Variants in E2F5 observed in about 807,000 individuals in gnomAD.
E2F5 encodes the protein transcription factor E2F5.
A neutral mutation model predicts 39.1 loss-of-function variants in E2F5; 23 were observed. That is an observed-to-expected ratio of 0.59 (90% CI 0.42 to 0.83). The LOEUF (loss-of-function observed/expected upper bound fraction) is 0.83, where lower values mean the gene tolerates loss of function less well. Among genes scored for constraint, E2F5 ranks in the 40% least tolerant of loss-of-function variants. E2F5 has a pLI of 0.00. For missense variants in E2F5, 365 were observed against 406.7 expected, an observed-to-expected ratio of 0.90 and a Z score of 0.88; for synonymous variants, 145 against 157.8, an observed-to-expected ratio of 0.92 and a Z score of 0.61.
intron 1 of E2F5, among the ~76,000 whole-genome samples, chr8:85,200,148 GA>G (rs1812663979): frequency 1.3e-5 from 2 of 152,096 alleles, no homozygotes; most frequent in Non-Finnish European, 2.9e-5. Context: ...TTGGGAGGCT[GA>G]GGCAGGAGAA....
At chr8:85,193,049 A>G (rs1385074368) in intron 1 of E2F5, among the ~76,000 whole-genome samples, 2 of 152,276 alleles carry the variant, frequency 1.3e-5, no homozygotes, top group Non-Finnish European at 2.9e-5. Context: ...TGACAGATAC[A>G]TAGAGAGATG....
intron 1 of E2F5, among the ~76,000 whole-genome samples, chr8:85,191,368 C>T (rs1304378565): frequency 6.6e-6 from 1 of 152,042 alleles, no homozygotes; most frequent in Admixed American, 6.6e-5. Flanking sequence ...ATCGTGGTGA[C>T]TATAGTTAAT....
chr8:85,207,878 CT>C lies in E2F5; in HGVS notation c.615+391del, dbSNP rs575508675. Among the ~76,000 whole-genome samples, 138 of 152,144 alleles carry C rather than the reference CT, an allele frequency of 9.1e-4. 1 individual carries two copies. Among genetic ancestry groups the C allele is most frequent in the Non-Finnish European group, 1.6e-3 (110 of 68,030 alleles). Reference sequence around the variant, plus strand: ...GAAACAAATGAATATTGTGTTTAGACTTGGGTCCTATCCCTAAGATATCTAT... The same window carrying C: ...GAAACAAATGAATATTGTGTTTAGACTGGGTCCTATCCCTAAGATATCTAT... On this transcript the variant is annotated intron_variant, in intron 5 of 7. Coordinates refer to ENST00000416274, the MANE Select transcript of E2F5 (RefSeq NM_001951.4).
intron 1 of E2F5, among the ~76,000 whole-genome samples, chr8:85,197,820 C>T (rs1362727837): frequency 1.3e-5 from 2 of 152,172 alleles, no homozygotes; most frequent in African/African-American, 4.8e-5. Flanking sequence ...GCTTTGCTCT[C>T]CACCTACCCC....
intron 5 of E2F5, 79 bp downstream of exon 5, chr8:85,207,568 TG>T: frequency 1.7e-6 from 2 of 1,203,200 alleles, no homozygotes; most frequent in Non-Finnish European, 2.3e-6. Context: ...TTTAGCTGAA[TG>T]TGAGCTAATT....
At chr8:85,181,232 T>A (rs1474531709) in intron 1 of E2F5, among the ~76,000 whole-genome samples, 3 of 152,168 alleles carry the variant, frequency 2.0e-5, no homozygotes, top group Non-Finnish European at 4.4e-5. Context: ...TATCCAAATA[T>A]TTTGGATATC....
chr8:85,185,650 C>G (rs1469621957), intron 1 of E2F5, among the ~76,000 whole-genome samples: 2 of 152,134 alleles, frequency 1.3e-5, no homozygotes, highest in Non-Finnish European at 2.9e-5. Context: ...CTGCAAAGAA[C>G]TTAGACGAAT....
chr8:85,210,652 G>C (rs1812897412), intron 6 of E2F5, among the ~76,000 whole-genome samples: 1 of 151,590 alleles, frequency 6.6e-6, no homozygotes, highest in African/African-American at 2.4e-5. Flanking sequence ...CTCCAGTCTG[G>C]GCGACAGAGT....
At chr8:85,210,554 A>C (rs1026102482) in intron 6 of E2F5, among the ~76,000 whole-genome samples, 1 of 151,804 alleles carries the variant, frequency 6.6e-6, no homozygotes, top group Non-Finnish European at 1.5e-5. Context: ...GGCGGCGCAC[A>C]CCTGTAGTCC....
At chr8:85,197,036 C>T (rs1812596386) in intron 1 of E2F5, among the ~76,000 whole-genome samples, 1 of 152,006 alleles carries the variant, frequency 6.6e-6, no homozygotes, top group Non-Finnish European at 1.5e-5. Flanking sequence ...GGGGGCCTTC[C>T]CATCTTCTTT....
chr8:85,199,002 C>G (rs1395967216), intron 1 of E2F5, among the ~76,000 whole-genome samples: 3 of 152,130 alleles, frequency 2.0e-5, no homozygotes, highest in African/African-American at 4.8e-5. Context: ...TGATTCCTCT[C>G]TAGGGACCTG....
At chr8:85,185,308 A>G (rs777397283) in intron 1 of E2F5, among the ~76,000 whole-genome samples, 23 of 152,198 alleles carry the variant, frequency 1.5e-4, no homozygotes, top group Non-Finnish European at 1.3e-4. Context: ...CTGGCTAGCC[A>G]TATGCAGAAA....
intron 6 of E2F5, among the ~76,000 whole-genome samples, chr8:85,210,628 C>A (rs979597865): frequency 2.6e-5 from 4 of 151,328 alleles, no homozygotes; most frequent in Admixed American, 2.6e-4. Context: ...TTGCAGTGAG[C>A]CGAGATCGCA....
chr8:85,183,951 A>T (rs1267421435), intron 1 of E2F5, among the ~76,000 whole-genome samples: 1 of 152,188 alleles, frequency 6.6e-6, no homozygotes, highest in African/African-American at 2.4e-5. Context: ...ATTTGGATAT[A>T]CAAAGAGATG....
chr8:85,207,104 A>C (rs1812815545), intron 4 of E2F5, among the ~76,000 whole-genome samples: 1 of 152,222 alleles, frequency 6.6e-6, no homozygotes, highest in African/African-American at 2.4e-5. Flanking sequence ...GAACAGTGTT[A>C]TTTGAGGCTA....
chr8:85,200,766 G>C (rs893712572), intron 1 of E2F5, among the ~76,000 whole-genome samples: 7 of 152,290 alleles, frequency 4.6e-5, no homozygotes, highest in Admixed American at 2.6e-4. Flanking sequence ...ATTCTGTGAA[G>C]GTCGATAAAA....
intron 6 of E2F5, 123 bp downstream of exon 6, chr8:85,209,532 G>A: frequency 8.5e-7 from 1 of 1,177,644 alleles, no homozygotes. Context: ...TGGAATATTT[G>A]CATATACATA....
intron 1 of E2F5, among the ~76,000 whole-genome samples, chr8:85,180,506 CTATA>C (rs1812182150): frequency 1.6e-5 from 1 of 62,474 alleles, no homozygotes; most frequent in African/African-American, 6.3e-5. Context: ...GTTAAAGAAA[CTATA>C]CATATATATA....
chr8:85,191,698 G>A (rs2129671758), intron 1 of E2F5, among the ~76,000 whole-genome samples: 1 of 152,270 alleles, frequency 6.6e-6, no homozygotes, highest in Non-Finnish European at 1.5e-5. Flanking sequence ...ACTGAAGTAG[G>A]TTCCTGCTTA....
Sources: allele counts gnomAD v4.1 joint callset (sites outside exome capture counted in the v4.1 genomes callset), GRCh38; gene constraint gnomAD v4.1.1; transcripts MANE v1.5; gene names NCBI Gene and HGNC (gene_info 2026-07-23, HGNC 2026-07-21).